Variants in DOCK10 observed in about 807,000 individuals in gnomAD.
DOCK10 encodes the protein dedicator of cytokinesis 10.
DOCK10 carries 145 observed loss-of-function variants against 280.1 expected under a neutral mutation model. That is an observed-to-expected ratio of 0.52 (90% confidence interval 0.45 to 0.59). The LOEUF (loss-of-function observed/expected upper bound fraction) is 0.59, where lower values mean the gene tolerates loss of function less well. Ranked by LOEUF, DOCK10 falls within the 20% of genes least tolerant of loss-of-function variation. The pLI is 0.00. For synonymous variants in DOCK10, 915 were observed against 942.2 expected (o/e 0.97, Z 0.53); for missense variants, 2,368 against 2,651.7 (o/e 0.89, Z 2.35).
chr2:224,781,671 C>T (rs1158332503), intron 50 of DOCK10, among the ~76,000 whole-genome samples: 3 of 152,194 alleles, frequency 2.0e-5, no homozygotes, highest in Admixed American at 6.5e-5. Flanking sequence ...CTCTGCACTT[C>T]CCTTGCTAGT....
chr2:224,964,358 C>T (rs2126182709), intron 1 of DOCK10, among the ~76,000 whole-genome samples: 1 of 152,180 alleles, frequency 6.6e-6, no homozygotes, highest in Middle Eastern at 3.4e-3. Flanking sequence ...AGAGATATGA[C>T]CTGACTCATC....
At chr2:224,951,340 AGTAT>A (rs1333183645) in intron 1 of DOCK10, among the ~76,000 whole-genome samples, 1 of 152,148 alleles carries the variant, frequency 6.6e-6, no homozygotes, top group African/African-American at 2.4e-5. Flanking sequence ...TTCTTATGTA[AGTAT>A]GTATTTATGT....
Position 224,961,138 on chromosome 2 carries a change from G to A in DOCK10, c.124-29470C>T, listed in dbSNP as rs372755486. Among the ~76,000 whole-genome samples the A allele has an allele frequency of 2.6e-5, 4 of 152,298 alleles. No individual in the cohort carries two copies. In the East Asian group the frequency reaches 5.8e-4, roughly 22 times the overall value. On this transcript the variant is annotated intron_variant, in intron 1 of 55. Transcript: ENST00000258390. ...GGTCTGATCAAGTTATTCCCAACTC[G>A]GAAGCCTTGAGTAGCATCCTCTCTT...
chr2:224,961,454 C>CTTTCTT (rs1553623697), intron 1 of DOCK10, among the ~76,000 whole-genome samples: 1 of 129,578 alleles, frequency 7.7e-6, no homozygotes, highest in East Asian at 2.5e-4. Flanking sequence ...TTCTTTCTTT[C>CTTTCTT]TTTCTTTCTT....
At chr2:224,864,408 G>C (rs1311214365) in intron 13 of DOCK10, 145 bp downstream of exon 13, 3 of 757,648 alleles carry the variant, frequency 4.0e-6, no homozygotes, top group Non-Finnish European at 6.0e-6. Flanking sequence ...TACTGGGGAG[G>C]CTGAGGCAAG....
At chr2:224,938,434 C>A (rs1391726783) in intron 1 of DOCK10, among the ~76,000 whole-genome samples, 1 of 152,134 alleles carries the variant, frequency 6.6e-6, no homozygotes, top group African/African-American at 2.4e-5. Flanking sequence ...TAGAACACCA[C>A]ATGCTAATTC....
chr2:224,911,840 C>T (rs1333779383), intron 3 of DOCK10, among the ~76,000 whole-genome samples: 1 of 152,112 alleles, frequency 6.6e-6, no homozygotes, highest in Non-Finnish European at 1.5e-5. Flanking sequence ...TTTATAAATC[C>T]GTTGTAGTTG....
chr2:224,825,771 G>A (rs1217891469), intron 27 of DOCK10, among the ~76,000 whole-genome samples: 4 of 152,192 alleles, frequency 2.6e-5, no homozygotes, highest in African/African-American at 9.7e-5. Context: ...ACTCGAGGTG[G>A]AAGAATTCCT....
chr2:224,774,945 A>G lies in DOCK10; in HGVS notation c.5973T>C (p.Gly1991=), dbSNP rs745421412. 1.2e-6 allele frequency: 2 copies of G among 1,608,326 alleles called. No homozygotes were observed. Among genetic ancestry groups the G allele is most frequent in the Non-Finnish European group, 1.7e-6 (2 of 1,177,296 alleles). ...TPFTLSGKKH[G]GVAEQCKRRT... is the part of the protein sequence containing the mutation. ...GCCGCTTGCACTGCTCCGCCACCCC[A>G]CCGTGCTTCTTGCCCGACAGCGTGA... The change falls in exon 52 of 56, where the codon GGT becomes GGC. Residue 1991 remains glycine (G), a synonymous_variant. Transcript: ENST00000258390.
At chr2:224,846,799 C>A (rs1299900100) in intron 19 of DOCK10, among the ~76,000 whole-genome samples, 1 of 152,118 alleles carries the variant, frequency 6.6e-6, no homozygotes, top group African/African-American at 2.4e-5. Flanking sequence ...CTGGCCATGA[C>A]CTCTGGCTAA....
intron 1 of DOCK10, among the ~76,000 whole-genome samples, chr2:224,941,546 C>T (rs115035464): frequency 0.015 from 2,283 of 152,034 alleles, 53 homozygotes; most frequent in African/African-American, 0.052. Context: ...AGGACCAGGC[C>T]GGGCCTGGTG....
chr2:224,928,117 C>T (rs1419789012), intron 2 of DOCK10, among the ~76,000 whole-genome samples: 3 of 152,178 alleles, frequency 2.0e-5, no homozygotes, highest in East Asian at 1.9e-4. Context: ...TGGTGCGCCA[C>T]GTCCCTAAAA....
Position 224,999,521 on chromosome 2 carries a change from TC to T in DOCK10, c.123+42730del, listed in dbSNP as rs370409020. Among the ~76,000 whole-genome samples, 65 of 150,852 alleles carry T rather than the reference TC, an allele frequency of 4.3e-4. No homozygotes were observed. The South Asian group carries it at 0.014, about 31-fold the overall frequency. Reference sequence around the variant, plus strand: ...TGCCTCCCTCCCTCTCTCCCCTCTTTCCTTATTTTCTCTATTTAATGAAAAT... The same window carrying T: ...TGCCTCCCTCCCTCTCTCCCCTCTTTCTTATTTTCTCTATTTAATGAAAAT... On this transcript the variant is annotated intron_variant, in intron 1 of 55. Coordinates refer to ENST00000258390, the MANE Select transcript of DOCK10 (RefSeq NM_014689.3).
chr2:224,804,302 C>A, intron 38 of DOCK10, 89 bp from the exon 39 acceptor site: 1 of 694,974 alleles, frequency 1.4e-6, no homozygotes. Context: ...GATTACTGCA[C>A]AATGAAATAT....
chr2:224,776,225 G>T (rs1051280411), intron 51 of DOCK10, among the ~76,000 whole-genome samples: 1 of 152,100 alleles, frequency 6.6e-6, no homozygotes, highest in Non-Finnish European at 1.5e-5. Context: ...TGCCTATCCA[G>T]TCCCAGAGAT....
chr2:224,766,170 CA>C (rs1690069335), intron 55 of DOCK10, among the ~76,000 whole-genome samples: 1 of 151,400 alleles, frequency 6.6e-6, no homozygotes, highest in Non-Finnish European at 1.5e-5. Context: ...CAGCATCTGC[CA>C]AAAAAGGGAA....
intron 39 of DOCK10, 59 bp downstream of exon 39, chr2:224,804,053 A>G: frequency 2.1e-6 from 2 of 970,088 alleles, no homozygotes; most frequent in Admixed American, 3.9e-5. Context: ...ACATGTGCAT[A>G]TACAGACACA....
At chr2:224,858,536 A>G (rs1268978310) in intron 14 of DOCK10, among the ~76,000 whole-genome samples, 1 of 152,198 alleles carries the variant, frequency 6.6e-6, no homozygotes, top group Non-Finnish European at 1.5e-5. Context: ...ATGCACCTGT[A>G]ATCCCAACTA....
At chr2:225,029,328 C>G (rs1260044018) in intron 1 of DOCK10, among the ~76,000 whole-genome samples, 1 of 152,170 alleles carries the variant, frequency 6.6e-6, no homozygotes, top group African/African-American at 2.4e-5. Flanking sequence ...TGTACCACCA[C>G]AGTTGGCTAA....
Sources: allele counts gnomAD v4.1 joint callset (sites outside exome capture counted in the v4.1 genomes callset), GRCh38; gene constraint gnomAD v4.1.1; transcripts MANE v1.5; gene names NCBI Gene and HGNC (gene_info 2026-07-23, HGNC 2026-07-21).